Variants in ZNF317 observed in about 807,000 individuals in gnomAD.
ZNF317 encodes KRAB-containing zinc finger protein 317.
Under a neutral mutation model 23.4 loss-of-function variants are expected in ZNF317, and 17 were observed. The ratio of observed to expected loss-of-function variants is 0.73; its 90% CI spans 0.50 to 1.09. The LOEUF is 1.09. Ranked by LOEUF, ZNF317 falls within the 50% of genes least tolerant of loss-of-function variation. The pLI, the probability that ZNF317 is intolerant of heterozygous loss-of-function variation, is 0.00. For synonymous variants in ZNF317, 317 were observed against 314.9 expected, an observed-to-expected ratio of 1.01 and a Z score of -0.07; for missense variants, 679 against 796.7, an observed-to-expected ratio of 0.85 and a Z score of 1.78.
Position 9,156,640 on chromosome 19 carries a change from CCAG to C in ZNF317, c.55_57del (p.Gln19del), listed in dbSNP as rs2050786548. On this transcript the variant is annotated inframe_deletion, in exon 3 of 7. Transcript: ENST00000247956. ...CGTCCACCCAGGATTCCACCTGTCT[CCAG>C]GACTCAGAATTTCCTGTTTCTTCAA... 6.2e-7 allele frequency: 1 copy of C among 1,614,158 alleles called. No individual in the cohort carries two copies. The highest frequency in any genetic ancestry group is 8.5e-7 in the Non-Finnish European group (1 of 1,180,012).
At chr19:9,153,404 C>T (rs530000493) in intron 1 of ZNF317, among the ~76,000 whole-genome samples, 1 of 152,166 alleles carries the variant, frequency 6.6e-6, no homozygotes, top group Non-Finnish European at 1.5e-5. Context: ...CTCAGGTGAT[C>T]CACCCACCTT....
At position 9,160,971 on chromosome 19, in the gene ZNF317, A is replaced by C. The variant is rs1344386114; in HGVS notation, c.1326A>C (p.Gly442=). The C allele has an allele frequency of 6.2e-7, 1 of 1,614,138 alleles. No homozygotes were observed. Among genetic ancestry groups the C allele is most frequent in the South Asian group, 1.1e-5 (1 of 91,084 alleles). Residue 442 remains glycine, a synonymous_variant, in exon 7 of 7, where the codon GGA becomes GGC. Coordinates refer to ENST00000247956, the MANE Select transcript of ZNF317 (RefSeq NM_020933.5). The surrounding 1 kb of genome is among the most constrained non-coding windows in gnomAD (Gnocchi z 6.8). ...AGACTCACATGAACTCTCACACTGG[A>C]GAGAAACCATACGGGTGCGATCTCT... The part of the protein sequence containing the change: ...ILKTHMNSHT[G]EKPYGCDLCG...
At chr19:9,140,669 AGAGGGTAC>A (rs2050620690) in intron 1 of ZNF317, 77 bp downstream of exon 1, 1 of 425,746 alleles carries the variant, frequency 2.3e-6, no homozygotes, top group African/African-American at 2.1e-5. Flanking sequence ...GTGAGGACTA[AGAGGGTAC>A]GAGGGTCGGG....
In ZNF317 at chr19:9,156,036, C is replaced by T; in HGVS notation, c.20C>T (p.Thr7Ile). The T allele has an allele frequency of 6.2e-7, 1 of 1,614,180 alleles. No individual in the cohort carries two copies. Among genetic ancestry groups the T allele is most frequent in the Non-Finnish European group, 8.5e-7 (1 of 1,180,032 alleles). Residue 7 changes from threonine to isoleucine, a missense_variant, in exon 2 of 7, where the codon ACA becomes ATA. By Grantham distance (89) the Thr-to-Ile change is moderately conservative. Transcript: ENST00000247956. Reference protein sequence around the residue: MAALSPTFATSTQDSTC... With the variant: MAALSPIFATSTQDSTC... ...CTGAGGATGGCAGCTCTGTCCCCCA[C>T]ATTTGGTAAGTTCTTGGGTCAGTGC...
chr19:9,153,859 A>G (rs1381514516), intron 1 of ZNF317, among the ~76,000 whole-genome samples: 1 of 152,084 alleles, frequency 6.6e-6, no homozygotes, highest in Non-Finnish European at 1.5e-5. Context: ...GATGGGGATG[A>G]TGGTAGTGGA....
chr19:9,162,900 G>A lies in ZNF317; in HGVS notation c.*1467G>A, dbSNP rs528887091. 6.6e-6 allele frequency: 1 copy of A among 152,290 alleles called. No individual in the cohort carries two copies. The highest frequency in any genetic ancestry group is 2.1e-4 in the South Asian group (1 of 4,820). The allele number at this position is 152,290 out of a possible 1,614,324, so 9.4% of individuals were successfully genotyped here. A position where few individuals can be genotyped will look rare whatever the true frequency, so the allele number is the denominator to read the frequency against. On this transcript the variant is annotated 3_prime_UTR_variant, in exon 7 of 7. Coordinates refer to ENST00000247956, the MANE Select transcript of ZNF317 (RefSeq NM_020933.5). ...CAGAGCATGATGCCTCCATCAAGTG[G>A]TAATATGTTTGCAGCCTGCTGTCCA...
rs1235348111 is a variant in ZNF317, at chr19:9,160,484, G to T, written c.839G>T (p.Cys280Phe). The T allele has an allele frequency of 6.2e-7, 1 of 1,614,168 alleles. No homozygotes were observed. Among genetic ancestry groups the T allele is most frequent in the Admixed American group, 1.7e-5 (1 of 60,024 alleles). ...CACCTCAAAGAGAAGCCCTTTGACT[G>T]CAGTCAGTGTGGAAATGCATTCCGG... ...RTHLKEKPFD[C>F]SQCGNAFRTL... is the part of the protein sequence containing the mutation. The change falls in exon 7 of 7, where the codon TGC becomes TTC. Residue 280 changes from cysteine to phenylalanine, a missense_variant. Physicochemically the swap from Cys to Phe is radical, Grantham distance 205. Coordinates refer to ENST00000247956, the MANE Select transcript of ZNF317 (RefSeq NM_020933.5). This position sits in a 1 kb window ranked among gnomAD's most constrained non-coding sequence, Gnocchi z 6.8.
intron 4 of ZNF317, 32 bp downstream of exon 4, chr19:9,157,426 TC>T: frequency 6.2e-7 from 1 of 1,613,012 alleles, no homozygotes; most frequent in Non-Finnish European, 8.5e-7. Context: ...CACTTATTCA[TC>T]CATGAATTAG....
chr19:9,160,773 C>CT lies in ZNF317; in HGVS notation c.1131dup (p.Asn378Ter). The CT allele has an allele frequency of 6.2e-7, 1 of 1,614,098 alleles. No homozygotes were observed. The highest frequency in any genetic ancestry group is 8.5e-7 in the Non-Finnish European group (1 of 1,180,020). On this transcript the variant is annotated frameshift_variant, in exon 7 of 7. Coordinates refer to ENST00000247956, the MANE Select transcript of ZNF317 (RefSeq NM_020933.5). LOFTEE classifies it low-confidence loss of function (END_TRUNC). The surrounding 1 kb of genome is among the most constrained non-coding windows in gnomAD (Gnocchi z 6.8). The stretch of plus-strand genomic sequence containing the variant: ...GCAAAGCCTTCCGCTGGAAGTCCAA[C>CT]TTTAATTTGCACAAGAAGAACCACA...
rs193133546 is a variant in ZNF317 at position 9,159,984 on chromosome 19, G to A, written c.469-130G>A. On this transcript the variant is annotated intron_variant, in intron 6 of 6. Coordinates refer to ENST00000247956, the MANE Select transcript of ZNF317 (RefSeq NM_020933.5). ...TGGGGCAGGGACAGCACGTTTGCAC[G>A]GCAGATGGTTACAGCTCTAGTCATA... 169 of 1,368,530 alleles carry A rather than the reference G, an allele frequency of 1.2e-4. No individual in the cohort carries two copies. The Admixed American group carries it at 2.6e-3, about 21-fold the overall frequency. The allele number at this position is 1,368,530 out of a possible 1,614,324, so 84.8% of individuals were successfully genotyped here. A position where few individuals can be genotyped will look rare whatever the true frequency, so the allele number is the denominator to read the frequency against.
intron 1 of ZNF317, among the ~76,000 whole-genome samples, chr19:9,153,902 G>A (rs961364507): frequency 2.0e-5 from 3 of 152,188 alleles, no homozygotes; most frequent in Non-Finnish European, 2.9e-5. Context: ...GATGGTGAAT[G>A]TAGACTGCTC....
At position 9,160,933 on chromosome 19, in the gene ZNF317, C is replaced by T; in HGVS notation, c.1288C>T (p.Gln430Ter). 1.2e-6 allele frequency: 2 copies of T among 1,614,172 alleles called. No individual in the cohort carries two copies. The highest frequency in any genetic ancestry group is 1.7e-6 in the Non-Finnish European group (2 of 1,180,026). ...GCAGTGCGGGAAGACCTTCCGAAAC[C>T]AGTCCATCCTTAAGACTCACATGAA... ...CRQCGKTFRN[Q>*]SILKTHMNSH... The change falls in exon 7 of 7, where the codon CAG becomes TAG. Residue 430 changes from glutamine to a stop codon, truncating the protein, a stop_gained. Transcript: ENST00000247956. LOFTEE classifies it low-confidence loss of function (END_TRUNC). This position sits in a 1 kb window ranked among gnomAD's most constrained non-coding sequence, Gnocchi z 6.8.
chr19:9,159,130 C>T (rs1408054426), intron 6 of ZNF317, among the ~76,000 whole-genome samples: 2 of 152,200 alleles, frequency 1.3e-5, no homozygotes, highest in Admixed American at 6.6e-5. Flanking sequence ...AGCTGTGTCT[C>T]AGATATTGAG....
intron 1 of ZNF317, among the ~76,000 whole-genome samples, chr19:9,147,069 G>A (rs1276565799): frequency 1.3e-5 from 2 of 152,112 alleles, no homozygotes; most frequent in East Asian, 3.9e-4. Context: ...CCAACCTTGT[G>A]CTTGTCTGAC....
At chr19:9,143,801 A>G (rs1290281391) in intron 1 of ZNF317, among the ~76,000 whole-genome samples, 2 of 150,890 alleles carry the variant, frequency 1.3e-5, no homozygotes, top group Non-Finnish European at 2.9e-5. Flanking sequence ...TTTTATACAC[A>G]CAGGCACACA....
intron 1 of ZNF317, among the ~76,000 whole-genome samples, chr19:9,145,306 T>A: frequency 6.6e-6 from 1 of 152,132 alleles, no homozygotes; most frequent in East Asian, 1.9e-4. Flanking sequence ...TGTTTTGTTT[T>A]GAGACAGGGT....
Position 9,161,144 on chromosome 19 carries a change from A to G in ZNF317, c.1499A>G (p.Lys500Arg), listed in dbSNP as rs778538919. 8 of 1,614,118 alleles carry G rather than the reference A, an allele frequency of 5.0e-6. No individual in the cohort carries two copies. The Middle Eastern group carries it at 6.6e-4, about 133-fold the overall frequency. The change falls in exon 7 of 7, where the codon AAA becomes AGA. Residue 500 changes from lysine to arginine, a missense_variant. Transcript: ENST00000247956. This position sits in a 1 kb window ranked among gnomAD's most constrained non-coding sequence, Gnocchi z 4.0. The part of the protein sequence containing the change: ...RRHMSVHLVK[K>R]RVECRQCGKA... ...CACATGAGCGTTCACCTTGTAAAGA[A>G]ACGAGTTGAGTGTAGGCAGTGTGGC... is the stretch of plus-strand genomic sequence containing the variant.
At chr19:9,147,330 GTTTTTTTTTTT>G (rs35259257) in intron 1 of ZNF317, among the ~76,000 whole-genome samples, 15,866 of 110,244 alleles carry the variant, frequency 0.14, 878 homozygotes, top group Non-Finnish European at 0.16. Flanking sequence ...AATGACACTG[GTTTTTTTTTTT>G]TTTTTTTTTT....
intron 1 of ZNF317, among the ~76,000 whole-genome samples, chr19:9,147,742 C>T (rs895887538): frequency 3.3e-5 from 5 of 152,110 alleles, no homozygotes; most frequent in Admixed American, 1.3e-4. Context: ...CTGCTGGGGT[C>T]GCTTAGATGC....
Sources: gnomAD v4.1 joint callset for allele counts (sites outside exome capture counted in the v4.1 genomes callset) on GRCh38, gnomAD v4.1.1 for gene constraint, Gnocchi (gnomAD v3.1) non-coding constraint, MANE v1.5 for transcripts, NCBI Gene and HGNC (gene_info 2026-07-23, HGNC 2026-07-21) for gene names.